The following GPR55 variants were observed in gnomAD, a reference collection of about 807,000 sequenced individuals.
GPR55 encodes the protein G-protein coupled receptor 55.
In GPR55, 6 loss-of-function variants were observed where a neutral mutation model predicts 7.9. That is an observed-to-expected ratio of 0.76 (90% CI 0.41 to 1.49). The LOEUF (loss-of-function observed/expected upper bound fraction) is 1.49, where lower values mean the gene tolerates loss of function less well. Among genes scored for constraint, GPR55 ranks in the 40% most tolerant of loss-of-function variants. The pLI is 0.01. For synonymous variants in GPR55, 183 were observed against 166.8 expected (o/e 1.10, Z -0.75); for missense variants, 376 against 406.0 (o/e 0.93, Z 0.63).
At chr2:230,950,685 C>T (rs1476669846) in intron 1 of GPR55, among the ~76,000 whole-genome samples, 1 of 152,268 alleles carries the variant, frequency 6.6e-6, no homozygotes, top group East Asian at 1.9e-4. Flanking sequence ...GTTTCTGGCT[C>T]GGAACCCCCA....
At chr2:230,912,347 C>T (rs528647701) in intron 1 of GPR55, among the ~76,000 whole-genome samples, 194 of 152,284 alleles carry the variant, frequency 1.3e-3, no homozygotes, top group Non-Finnish European at 2.0e-3. Flanking sequence ...CCCAAGATAT[C>T]GATGTATCAG....
At chr2:230,912,094 T>A (rs981293609) in intron 1 of GPR55, among the ~76,000 whole-genome samples, 1 of 152,004 alleles carries the variant, frequency 6.6e-6, no homozygotes, top group African/African-American at 2.4e-5. Context: ...CACTCTTCCC[T>A]CTCCCCACAT....
At chr2:230,938,413 A>G (rs57096142) in intron 1 of GPR55, among the ~76,000 whole-genome samples, 2 of 141,882 alleles carry the variant, frequency 1.4e-5, no homozygotes. Context: ...AAAAAAAAAA[A>G]CAAAGAAAGA....
At chr2:230,945,454 A>G (rs1691298826) in intron 1 of GPR55, among the ~76,000 whole-genome samples, 1 of 152,256 alleles carries the variant, frequency 6.6e-6, no homozygotes, top group Admixed American at 6.5e-5. Context: ...GAAAGAATGC[A>G]ACCCGCGCCC....
At chr2:230,953,395 T>C (rs984303204) in intron 1 of GPR55, among the ~76,000 whole-genome samples, 2 of 152,118 alleles carry the variant, frequency 1.3e-5, no homozygotes, top group African/African-American at 4.8e-5. Context: ...AGGGATAGGA[T>C]GTGAGAAGGA....
In GPR55 at chr2:230,924,618, G is replaced by C. The variant is rs1298224213; in HGVS notation, c.-135+550C>G. On this transcript the variant is annotated intron_variant, in intron 1 of 1. Coordinates refer to ENST00000650999, the MANE Select transcript of GPR55 (RefSeq NM_005683.4). The surrounding 1 kb of genome is among the most constrained non-coding windows in gnomAD (Gnocchi z 4.5). ...AAACCGTGTATTGCCTCATGCCCCAGAGAGGTAAACGGAGGCTAGAGAAAT... is the reference window on the plus strand; with the variant it reads ...AAACCGTGTATTGCCTCATGCCCCACAGAGGTAAACGGAGGCTAGAGAAAT... 6.6e-6 allele frequency: 1 copy of C among 152,260 alleles called. No homozygotes were observed. The highest frequency in any genetic ancestry group is 1.5e-5 in the Non-Finnish European group (1 of 68,080). The allele number at this position is 152,260 out of a possible 1,614,324, so 9.4% of individuals were successfully genotyped here. A position where few individuals can be genotyped will look rare whatever the true frequency, so the allele number is the denominator to read the frequency against.
intron 1 of GPR55, among the ~76,000 whole-genome samples, chr2:230,915,207 C>T (rs1344169610): frequency 6.6e-6 from 1 of 152,186 alleles, no homozygotes; most frequent in East Asian, 1.9e-4. Context: ...GGTCAGGGAC[C>T]CTGGGAGTGG....
intron 1 of GPR55, among the ~76,000 whole-genome samples, chr2:230,922,406 T>G (rs1314743260): frequency 6.6e-6 from 1 of 152,038 alleles, no homozygotes; most frequent in African/African-American, 2.4e-5. Flanking sequence ...GTTAGCATCT[T>G]GCTTTGTCAC....
rs1375009838 is a variant in GPR55, at chr2:230,944,919, C to T, written c.-135+15856G>A. ...GCGCTAGGCCCTGCAGATGCGACAACGAACGTAGATGCTGTCCCAGCCACC... is the reference window on the plus strand; with the variant it reads ...GCGCTAGGCCCTGCAGATGCGACAATGAACGTAGATGCTGTCCCAGCCACC... On this transcript the variant is annotated intron_variant, in intron 1 of 1. Coordinates refer to the GPR55 transcript ENST00000392039. The surrounding 1 kb of genome is among the most constrained non-coding windows in gnomAD (Gnocchi z 4.2). Among the ~76,000 whole-genome samples, 1 of 152,188 alleles carries T rather than the reference C, an allele frequency of 6.6e-6. No homozygotes were observed. Among genetic ancestry groups the T allele is most frequent in the Non-Finnish European group, 1.5e-5 (1 of 68,040 alleles).
upstream of GPR55, chr2:230,930,053 C>A (rs769800587): frequency 3.3e-5 from 5 of 152,324 alleles, no homozygotes; most frequent in Non-Finnish European, 7.3e-5. Flanking sequence ...CAGCCAGGAC[C>A]CCCCCGCCTC....
intron 1 of GPR55, among the ~76,000 whole-genome samples, chr2:230,936,518 C>T (rs1691134653): frequency 6.6e-6 from 1 of 152,120 alleles, no homozygotes; most frequent in Non-Finnish European, 1.5e-5. Context: ...TGAGGTCTCC[C>T]CAGCCATGCT....
chr2:230,960,466 C>T (rs1178610715), intron 1 of GPR55, among the ~76,000 whole-genome samples: 2 of 151,894 alleles, frequency 1.3e-5, no homozygotes, highest in African/African-American at 2.4e-5. Context: ...ACTTTTGTTA[C>T]TCAGATGTTT....
At chr2:230,954,910 C>T (rs1451544604) in intron 1 of GPR55, among the ~76,000 whole-genome samples, 2 of 152,206 alleles carry the variant, frequency 1.3e-5, no homozygotes, top group East Asian at 3.8e-4. Context: ...TTACTGTACT[C>T]TTTCTCCCTG....
rs1402044270 is a variant in GPR55 at position 230,910,470 on chromosome 2, T to C, written c.493A>G (p.Lys165Glu). The change falls in exon 2 of 2, where the codon AAA (lysine) becomes GAA (glutamate). Residue 165 changes from lysine to glutamate, a missense_variant. By Grantham distance (56) the Lys-to-Glu change is moderately conservative. Coordinates refer to ENST00000650999, the MANE Select transcript of GPR55 (RefSeq NM_005683.4). This position sits in a 1 kb window ranked among gnomAD's most constrained non-coding sequence, Gnocchi z 5.4. ...GACATGTTGTGGAAGCACATGTATT[T>C]TTCCACTTTCCCATGGAAACTGTAG... Reference protein sequence around the residue: ...PIYSFHGKVEKYMCFHNMSDD... With the variant: ...PIYSFHGKVEEYMCFHNMSDD... The C allele has an allele frequency of 6.2e-7, 1 of 1,614,090 alleles. No individual in the cohort carries two copies. Among genetic ancestry groups the C allele is most frequent in the Admixed American group, 1.7e-5 (1 of 60,024 alleles).
rs371878242 is a variant in GPR55, at chr2:230,933,174, T to C, written c.-134-22078A>G. Among the ~76,000 whole-genome samples the C allele has an allele frequency of 6.1e-5, 9 of 148,714 alleles. No homozygotes were observed. In the East Asian group the frequency reaches 8.4e-4, roughly 14 times the overall value. ...GCCTAGCCAAGCCCCTGAAGTCCCC[T>C]GCCCCGCCCAGCTCCCCCCTTCCCT... On this transcript the variant is annotated intron_variant, in intron 1 of 1. Transcript: ENST00000392039.
At position 230,946,201 on chromosome 2, in the gene GPR55, G is replaced by A. The variant is rs537796953; in HGVS notation, c.-135+14574C>T. ...CAGGAAATAGGATGGGAGTTGCCAG[G>A]GGCTGGAGGGCTAGGGAGGGTGTGG... is the stretch of plus-strand genomic sequence containing the variant. On this transcript the variant is annotated intron_variant, in intron 1 of 1. Coordinates refer to the GPR55 transcript ENST00000392039. 2.6e-5 allele frequency among the ~76,000 whole-genome samples: 4 copies of A among 152,288 alleles called. No homozygotes were observed. In the East Asian group the frequency reaches 7.7e-4, roughly 29 times the overall value.
chr2:230,909,880 C>A lies in GPR55; in HGVS notation c.*123G>T. 1 of 1,032,590 alleles carries A rather than the reference C, an allele frequency of 9.7e-7. No individual in the cohort carries two copies. Among genetic ancestry groups the A allele is most frequent in the Non-Finnish European group, 1.4e-6 (1 of 695,494 alleles). The allele number at this position is 1,032,590 out of a possible 1,614,324, so 64.0% of individuals were successfully genotyped here. A position where few individuals can be genotyped will look rare whatever the true frequency, so the allele number is the denominator to read the frequency against. Reference sequence around the variant, plus strand: ...AGCAAAGCTGGCACTCAATGGGCATCAAAGGGAAGCACATCAGTGAAGATG... The same window carrying A: ...AGCAAAGCTGGCACTCAATGGGCATAAAAGGGAAGCACATCAGTGAAGATG... On this transcript the variant is annotated 3_prime_UTR_variant, in exon 2 of 2. Coordinates refer to ENST00000650999, the MANE Select transcript of GPR55 (RefSeq NM_005683.4).
At chr2:230,913,716 C>G (rs576761126) in intron 1 of GPR55, among the ~76,000 whole-genome samples, 29 of 152,132 alleles carry the variant, frequency 1.9e-4, no homozygotes, top group African/African-American at 7.0e-4. Context: ...AGGCCTAGCT[C>G]AAAAAATTAC....
intron 1 of GPR55, among the ~76,000 whole-genome samples, chr2:230,945,574 T>C (rs1013337327): frequency 6.6e-6 from 1 of 152,222 alleles, no homozygotes; most frequent in African/African-American, 2.4e-5. Flanking sequence ...TCACTTTTTG[T>C]TGTTGTTGTT....
Sources: allele counts gnomAD v4.1 joint callset (sites outside exome capture counted in the v4.1 genomes callset), GRCh38; gene constraint gnomAD v4.1.1; non-coding constraint Gnocchi (gnomAD v3.1); transcripts MANE v1.5; gene names NCBI Gene and HGNC (gene_info 2026-07-23, HGNC 2026-07-21).